CALB1: variants seen among roughly 807,000 people sequenced by gnomAD.
CALB1 encodes the protein calbindin.
Under a neutral mutation model 46.7 loss-of-function variants are expected in CALB1, and 16 were observed. That is an observed-to-expected ratio of 0.34 (90% CI 0.23 to 0.52). The LOEUF (loss-of-function observed/expected upper bound fraction) is 0.52, where lower values mean the gene tolerates loss of function less well. Among genes scored for constraint, CALB1 ranks in the 20% least tolerant of loss-of-function variants. CALB1 has a pLI of 0.95. For synonymous variants in CALB1, 90 were observed against 112.8 expected, an observed-to-expected ratio of 0.80 and a Z score of 1.28; for missense variants, 224 against 300.3, an observed-to-expected ratio of 0.75 and a Z score of 1.88.
In CALB1 at chr8:90,060,634, T is replaced by C. The variant is rs754090615; in HGVS notation, c.667A>G (p.Lys223Glu). 6 of 1,613,310 alleles carry C rather than the reference T, an allele frequency of 3.7e-6. No homozygotes were observed. In the East Asian group the frequency reaches 1.3e-4, roughly 36 times the overall value. The change falls in exon 10 of 11, where the codon AAA (lysine) becomes GAA (glutamate). Residue 223 changes from lysine to glutamate, a missense_variant. Transcript: ENST00000265431. The stretch of plus-strand genomic sequence containing the variant: ...TGCCATGGTAACTAAGTTACCTGTT[T>C]ATTCTTCTCGCACAGATCCTTCAGT... ...ALLKDLCEKN[K>E]QDLDINNITT...
intron 5 of CALB1, among the ~76,000 whole-genome samples, chr8:90,067,781 C>G (rs1310887054): frequency 1.3e-5 from 2 of 152,112 alleles, no homozygotes; most frequent in African/African-American, 4.8e-5. Flanking sequence ...GGGAATCATT[C>G]TTAGCATTAT....
intron 3 of CALB1, 167 bp downstream of exon 3, chr8:90,078,206 T>C: frequency 2.2e-6 from 1 of 460,436 alleles, no homozygotes; most frequent in Non-Finnish European, 3.8e-6. Context: ...TGTTTTTCAT[T>C]TGTGAACATT....
Position 90,069,240 on chromosome 8 carries a change from G to A in CALB1, c.232-3C>T, listed in dbSNP as rs1307702903. 1.2e-6 allele frequency: 2 copies of A among 1,611,188 alleles called. No individual in the cohort carries two copies. Among genetic ancestry groups the A allele is most frequent in the East Asian group, 2.2e-5 (1 of 44,852 alleles). On this transcript the variant is annotated splice_polypyrimidine_tract_variant and splice_region_variant and intron_variant, in intron 3 of 10. Transcript: ENST00000265431. ...TCTGTGGGTAATACGTGAGCCAACT[G>A]GAAAAGATTTAAGAAGAGAGAAACG...
intron 5 of CALB1, among the ~76,000 whole-genome samples, chr8:90,068,516 T>C (rs1033990548): frequency 6.6e-6 from 1 of 152,188 alleles, no homozygotes; most frequent in African/African-American, 2.4e-5. Flanking sequence ...GCCTTCAGTA[T>C]ATCATTTAAC....
chr8:90,082,799 G>T lies in CALB1; in HGVS notation c.-102C>A. 8.6e-7 allele frequency: 1 copy of T among 1,166,756 alleles called. No individual in the cohort carries two copies. Among genetic ancestry groups the T allele is most frequent in the Non-Finnish European group, 1.3e-6 (1 of 776,256 alleles). 72.3% of individuals were successfully genotyped at this position (1,166,756 alleles called of 1,614,324 possible). On this transcript the variant is annotated 5_prime_UTR_variant, in exon 1 of 11. Transcript: ENST00000265431. ...CAGCGTGTGCGCGAGTCAGGGCTGC[G>T]GAGGGAGACCTGGGCGCGGGCGCTG... is the stretch of plus-strand genomic sequence containing the variant.
chr8:90,059,368 C>T lies in CALB1; in HGVS notation c.*805G>A, dbSNP rs1399663009. On this transcript the variant is annotated 3_prime_UTR_variant, in exon 11 of 11. Coordinates refer to ENST00000265431, the MANE Select transcript of CALB1 (RefSeq NM_004929.4). ...AAATCCAGGAAGTATGCAAACTAGA[C>T]ACCAGGATATGCAGTATATTAAATT... is the stretch of plus-strand genomic sequence containing the variant. The T allele has an allele frequency of 6.6e-6, 1 of 152,470 alleles. No homozygotes were observed. The highest frequency in any genetic ancestry group is 1.5e-5 in the Non-Finnish European group (1 of 68,008). The allele number at this position is 152,470 out of a possible 1,614,324, so 9.4% of individuals were successfully genotyped here. A position where few individuals can be genotyped will look rare whatever the true frequency, so the allele number is the denominator to read the frequency against.
intron 9 of CALB1, chr8:90,062,816 G>A (rs1814327588): frequency 6.9e-6 from 2 of 289,056 alleles, no homozygotes; most frequent in South Asian, 5.7e-5. Flanking sequence ...ATCAATCTCA[G>A]CACAAGACAA....
intron 3 of CALB1, among the ~76,000 whole-genome samples, chr8:90,075,195 T>C (rs1368854332): frequency 1.3e-5 from 2 of 152,210 alleles, no homozygotes; most frequent in Non-Finnish European, 2.9e-5. Context: ...TGTTAGAAAG[T>C]GTCAGCTAAC....
At chr8:90,081,972 G>C in intron 2 of CALB1, 54 bp downstream of exon 2, 1 of 1,471,748 alleles carries the variant, frequency 6.8e-7, no homozygotes, top group Non-Finnish European at 9.4e-7. Context: ...ACACAAGAAT[G>C]TTTTAATTTG....
At chr8:90,082,565 T>C in intron 1 of CALB1, 54 bp downstream of exon 1, 1 of 1,411,624 alleles carries the variant, frequency 7.1e-7, no homozygotes, top group Admixed American at 1.7e-5. Context: ...GGGCAAAGAA[T>C]GGGAAGGGGC....
In CALB1 at chr8:90,060,205, G is replaced by C. The variant is rs2130213479; in HGVS notation, c.754C>G (p.Leu252Val). 1 of 1,613,538 alleles carries C rather than the reference G, an allele frequency of 6.2e-7. No individual in the cohort carries two copies. Among genetic ancestry groups the C allele is most frequent in the Non-Finnish European group, 8.5e-7 (1 of 1,179,468 alleles). ...TCCCCAGCACAGAGAATAAGAGCAA[G>C]ATCCGTTCGGTACAGCTTCCCTCCA... ...SDGGKLYRTDLALILCAGDN is the reference protein window; with the variant it reads ...SDGGKLYRTDVALILCAGDN The change falls in exon 11 of 11, where the codon CTT becomes GTT. Residue 252 changes from leucine (L) to valine (V), a missense_variant. Leu to Val is a conservative substitution (Grantham distance 32). Transcript: ENST00000265431.
intron 5 of CALB1, 66 bp from the exon 6 acceptor site, chr8:90,066,041 TGCCTTGGAACAGGACATACCAG>T (rs1403325897): frequency 9.2e-7 from 1 of 1,092,670 alleles, no homozygotes; most frequent in Non-Finnish European, 1.4e-6. Context: ...CATTTCAGAA[TGCCTTGGAACAGGACATACCAG>T]GAATGCAAAG....
chr8:90,063,205 A>T, intron 8 of CALB1, 52 bp from the exon 9 acceptor site: 1 of 1,536,820 alleles, frequency 6.5e-7, no homozygotes, highest in Non-Finnish European at 9.0e-7. Context: ...ATGTTTCAGT[A>T]TGTTTCCCTT....
intron 10 of CALB1, 58 bp downstream of exon 10, chr8:90,060,571 T>A: frequency 7.4e-7 from 1 of 1,354,332 alleles, no homozygotes; most frequent in Non-Finnish European, 1.1e-6. Context: ...GTGCTGTTGG[T>A]TTTGGATGGA....
chr8:90,063,059 T>C (rs144335653), intron 9 of CALB1, 41 bp downstream of exon 9: 2 of 1,432,440 alleles, frequency 1.4e-6, no homozygotes, highest in Admixed American at 3.6e-5. Context: ...GTTGTGTTCT[T>C]ACTTCAATAA....
chr8:90,076,334 A>T (rs1814622137), intron 3 of CALB1, among the ~76,000 whole-genome samples: 1 of 152,052 alleles, frequency 6.6e-6, no homozygotes. Context: ...AAGGCAGAAT[A>T]GTTTGGGGGA....
chr8:90,070,863 T>TGTGA (rs1554578993), intron 3 of CALB1, among the ~76,000 whole-genome samples: 19 of 140,794 alleles, frequency 1.3e-4, no homozygotes, highest in Non-Finnish European at 2.4e-4. Flanking sequence ...TGTGTGTGTG[T>TGTGA]GTGTGTGTGT....
chr8:90,082,476 TAAG>T (rs1814749926), intron 1 of CALB1, 140 bp downstream of exon 1: 1 of 706,196 alleles, frequency 1.4e-6, no homozygotes, highest in Non-Finnish European at 2.5e-6. Context: ...GTCGGGGAGA[TAAG>T]AAGATAAGAT....
chr8:90,060,708 A>C lies in CALB1; in HGVS notation c.601-8T>G. On this transcript the variant is annotated splice_polypyrimidine_tract_variant and splice_region_variant and intron_variant, in intron 9 of 10. Coordinates refer to ENST00000265431, the MANE Select transcript of CALB1 (RefSeq NM_004929.4). ...TATGTATCCATTGCCGTCCTGGGGG[A>C]GGAGAAATAAAATAGTATACAACCA... 1 of 1,605,758 alleles carries C rather than the reference A, an allele frequency of 6.2e-7. No individual in the cohort carries two copies. The highest frequency in any genetic ancestry group is 8.5e-7 in the Non-Finnish European group (1 of 1,172,646).
Sources: gnomAD v4.1 joint callset for allele counts (sites outside exome capture counted in the v4.1 genomes callset) on GRCh38, gnomAD v4.1.1 for gene constraint, MANE v1.5 for transcripts, NCBI Gene and HGNC (gene_info 2026-07-23, HGNC 2026-07-21) for gene names.